Variants in ENDOV observed in about 807,000 individuals in gnomAD.
ENDOV encodes hEndoV.
Under a neutral mutation model 39.4 loss-of-function variants are expected in ENDOV, and 37 were observed. The ratio of observed to expected loss-of-function variants is 0.94; its 90% CI spans 0.72 to 1.23. ENDOV has a LOEUF of 1.23. Among genes scored for constraint, ENDOV ranks in the 50% most tolerant of loss-of-function variants. The pLI, the probability that ENDOV is intolerant of heterozygous loss-of-function variation, is 0.00. For synonymous variants in ENDOV, 186 were observed against 163.4 expected (o/e 1.14, Z -1.05); for missense variants, 441 against 375.7 (o/e 1.17, Z -1.44).
At chr17:80,427,554 C>G (rs898833795) in intron 7 of ENDOV, 45 of 1,066,408 alleles carry the variant, frequency 4.2e-5, no homozygotes, top group Admixed American at 1.4e-4. Context: ...GCAGCCACCC[C>G]GTACCAGGAG....
Position 80,425,575 on chromosome 17 carries a change from G to T in ENDOV, c.669G>T (p.Leu223=), listed in dbSNP as rs2082595602. Residue 223 remains leucine (L), a synonymous_variant, in exon 7 of 10, where the codon CTG becomes CTT. Transcript: ENST00000518137. ...HRMSLEAAVR[L]TCCCCRFRIP... is the part of the protein sequence containing the mutation. Reference sequence around the variant, plus strand: ...TGAGCCTGGAGGCCGCTGTGCGCCTGACTTGCTGCTGCTGCAGGTTCCGGA... The same window carrying T: ...TGAGCCTGGAGGCCGCTGTGCGCCTTACTTGCTGCTGCTGCAGGTTCCGGA... 1.3e-6 allele frequency: 2 copies of T among 1,592,330 alleles called. No individual in the cohort carries two copies. The highest frequency in any genetic ancestry group is 8.5e-7 in the Non-Finnish European group (1 of 1,173,756).
At chr17:80,426,808 G>T (rs1386358117) in intron 7 of ENDOV, among the ~76,000 whole-genome samples, 4 of 152,246 alleles carry the variant, frequency 2.6e-5, no homozygotes, top group Non-Finnish European at 5.9e-5. Context: ...TGGCAGCGGG[G>T]CGCCCGCAGA....
chr17:80,417,032 G>C (rs989732888), intron 2 of ENDOV: 22 of 152,240 alleles, frequency 1.4e-4, no homozygotes, highest in African/African-American at 5.3e-4. Flanking sequence ...TGAGATTACA[G>C]GTGGGAACCA....
intron 8 of ENDOV, 28 bp from the exon 9 acceptor site, chr17:80,429,745 G>T (rs767368050): frequency 2.5e-6 from 4 of 1,587,296 alleles, no homozygotes; most frequent in Non-Finnish European, 3.4e-6. Context: ...AGCATCTGAT[G>T]CTGTCCCTTT....
intron 5 of ENDOV, chr17:80,424,019 G>A (rs932106940): frequency 2.0e-5 from 7 of 358,608 alleles, no homozygotes; most frequent in Admixed American, 4.5e-5. Context: ...GCATGCTCAG[G>A]TACCACAGCC....
At chr17:80,428,979 T>A (rs1032091353) in intron 8 of ENDOV, among the ~76,000 whole-genome samples, 11 of 152,146 alleles carry the variant, frequency 7.2e-5, no homozygotes, top group Admixed American at 5.9e-4. Context: ...GCCTGTGAGG[T>A]ACCAGGACGT....
intron 9 of ENDOV, chr17:80,430,081 C>T: frequency 2.6e-6 from 4 of 1,535,636 alleles, no homozygotes; most frequent in Non-Finnish European, 3.5e-6. Flanking sequence ...ACCGCACCAC[C>T]CCAGGGGGAC....
Position 80,436,231 on chromosome 17 carries a change from C to T in ENDOV, c.*88C>T, listed in dbSNP as rs561806424. 7.8e-5 allele frequency: 119 copies of T among 1,526,514 alleles called. No individual in the cohort carries two copies. The highest frequency in any genetic ancestry group is 1.3e-4 in the African/African-American group (9 of 71,234). 94.6% of individuals were successfully genotyped at this position (1,526,514 alleles called of 1,614,324 possible). A position where few individuals can be genotyped will look rare whatever the true frequency, so the allele number is the denominator to read the frequency against. ...CGTCCTCGTCTCGTTCCTGATCGAA[C>T]GCGGTGGTGAGAGCACACATCCTCG... On this transcript the variant is annotated 3_prime_UTR_variant, in exon 10 of 10. Transcript: ENST00000518137.
At chr17:80,436,010 C>T in intron 9 of ENDOV, 123 bp from the exon 10 acceptor site, 1 of 1,102,752 alleles carries the variant, frequency 9.1e-7, no homozygotes, top group Non-Finnish European at 1.3e-6. Context: ...CCACCTCGGC[C>T]TCCCCAAGTG....
intron 7 of ENDOV, among the ~76,000 whole-genome samples, 170 bp downstream of exon 7, chr17:80,425,790 C>A (rs1408507840): frequency 2.6e-5 from 4 of 152,180 alleles, no homozygotes; most frequent in African/African-American, 9.7e-5. Context: ...TTGCTGGGCC[C>A]TGCAGTCAGG....
At chr17:80,425,277 TTCCTCCAGCCG>T (rs1038043812) in intron 6 of ENDOV, among the ~76,000 whole-genome samples, 177 bp downstream of exon 6, 20 of 152,148 alleles carry the variant, frequency 1.3e-4, no homozygotes, top group Non-Finnish European at 1.5e-5. Context: ...TTGTGTTTCT[TTCCTCCAGCCG>T]TGCTGAGGGA....
chr17:80,428,461 C>T, intron 7 of ENDOV, 135 bp from the exon 8 acceptor site: 6 of 834,472 alleles, frequency 7.2e-6, no homozygotes, highest in Middle Eastern at 2.6e-4. Context: ...GGCTCCTGAG[C>T]CTGAAGAACT....
In ENDOV at chr17:80,421,915, G is replaced by A. The variant is rs377732244; in HGVS notation, c.316G>A (p.Glu106Lys). 6.2e-7 allele frequency: 1 copy of A among 1,611,316 alleles called. No individual in the cohort carries two copies. Among genetic ancestry groups the A allele is most frequent in the African/African-American group, 1.3e-5 (1 of 74,864 alleles). ...LAFREVPFLL[E>K]LVQQLREKEP... The stretch of plus-strand genomic sequence containing the variant: ...CTTCCGAGAGGTGCCCTTCTTGCTG[G>A]AGCTGGTGCAGCAGCTGCGGGAGAA... Residue 106 changes from glutamate to lysine, a missense_variant, in exon 3 of 10, where the codon GAG becomes AAG. Coordinates refer to ENST00000518137, the MANE Select transcript of ENDOV (RefSeq NM_173627.5).
rs2083036529 is a variant in ENDOV, at chr17:80,428,715, G to C, written c.779+55G>C. 2.0e-6 allele frequency: 3 copies of C among 1,515,044 alleles called. No homozygotes were observed. The African/African-American group carries it at 4.1e-5, about 21-fold the overall frequency. The allele number at this position is 1,515,044 out of a possible 1,614,324, so 93.9% of individuals were successfully genotyped here. ...AGGGGCATCTCACAGACACCTGCAT[G>C]GGCTGTTTCCGGTGGCTCAGCCTCT... On this transcript the variant is annotated intron_variant, in intron 8 of 9. Coordinates refer to ENST00000518137, the MANE Select transcript of ENDOV (RefSeq NM_173627.5).
chr17:80,415,739 G>C lies in ENDOV; in HGVS notation c.146G>C (p.Gly49Ala). The change falls in exon 2 of 10, where the codon GGG (glycine) becomes GCG (alanine). Residue 49 changes from glycine (G) to alanine (A), a missense_variant. Transcript: ENST00000518137. The stretch of plus-strand genomic sequence containing the variant: ...GCCTTCTCGGGTCTGCAGAGGGTCG[G>C]GGGCGTTGACGTGTCCTTCGTGAAA... Reference protein sequence around the residue: ...DPAFSGLQRVGGVDVSFVKGD... With the variant: ...DPAFSGLQRVAGVDVSFVKGD... The C allele has an allele frequency of 6.2e-7, 1 of 1,607,908 alleles. No homozygotes were observed. The highest frequency in any genetic ancestry group is 8.5e-7 in the Non-Finnish European group (1 of 1,177,380).
At chr17:80,417,894 C>T (rs2081418886) in intron 2 of ENDOV, 1 of 152,210 alleles carries the variant, frequency 6.6e-6, no homozygotes, top group African/African-American at 2.4e-5. Context: ...GAGTCAACAG[C>T]TCCGGAAGCC....
chr17:80,415,262 A>G lies in ENDOV; in HGVS notation c.56+12A>G. The G allele has an allele frequency of 6.2e-7, 1 of 1,613,116 alleles. No individual in the cohort carries two copies. The highest frequency in any genetic ancestry group is 8.5e-7 in the Non-Finnish European group (1 of 1,179,578). On this transcript the variant is annotated intron_variant, in intron 1 of 9. Transcript: ENST00000518137. ...TCACTGTGGAAACGGTAATGCTGTC[A>G]GGCGACGCGCAGGAGGCGGGGGCCG...
rs1225786879 is a variant in ENDOV at position 80,436,275 on chromosome 17, G to A, written c.*132G>A. The stretch of plus-strand genomic sequence containing the variant: ...ATCCTCGTCTCGTTCCTGATCGAAC[G>A]CGGTGGTGAGAGCACACGTCCTCGT... On this transcript the variant is annotated 3_prime_UTR_variant, in exon 10 of 10. Coordinates refer to ENST00000518137, the MANE Select transcript of ENDOV (RefSeq NM_173627.5). 1.8e-5 allele frequency: 27 copies of A among 1,542,600 alleles called. No homozygotes were observed. Among genetic ancestry groups the A allele is most frequent in the Non-Finnish European group, 2.1e-5 (24 of 1,147,762 alleles).
At position 80,436,273 on chromosome 17, in the gene ENDOV, A is replaced by T. The variant is rs1224030054; in HGVS notation, c.*130A>T. 2 of 1,537,908 alleles carry T rather than the reference A, an allele frequency of 1.3e-6. No individual in the cohort carries two copies. Among genetic ancestry groups the T allele is most frequent in the East Asian group, 4.7e-5 (2 of 42,554 alleles). On this transcript the variant is annotated 3_prime_UTR_variant, in exon 10 of 10. Coordinates refer to ENST00000518137, the MANE Select transcript of ENDOV (RefSeq NM_173627.5). The stretch of plus-strand genomic sequence containing the variant: ...ACATCCTCGTCTCGTTCCTGATCGA[A>T]CGCGGTGGTGAGAGCACACGTCCTC...
Sources: allele counts gnomAD v4.1 joint callset (sites outside exome capture counted in the v4.1 genomes callset), GRCh38; gene constraint gnomAD v4.1.1; transcripts MANE v1.5; gene names NCBI Gene and HGNC (gene_info 2026-07-23, HGNC 2026-07-21).